KCNK10: variants seen among roughly 807,000 people sequenced by gnomAD.
The protein encoded by KCNK10 is potassium channel subfamily K member 10.
A neutral mutation model predicts 47.7 loss-of-function variants in KCNK10; 25 were observed. The ratio of observed to expected loss-of-function variants is 0.52; its 90% confidence interval spans 0.38 to 0.73. KCNK10 has a LOEUF of 0.73. Among genes scored for constraint, KCNK10 ranks in the 30% least tolerant of loss-of-function variants. KCNK10 has a pLI of 0.00. For missense variants in KCNK10, 563 were observed against 714.5 expected (o/e 0.79, Z 2.42); for synonymous variants, 303 against 285.6 (o/e 1.06, Z -0.61).
In KCNK10 at chr14:88,188,101, C is replaced by G. The variant is rs745846560; in HGVS notation, c.877G>C (p.Ala293Pro). The stretch of plus-strand genomic sequence containing the variant: ...TACCACTCCCGATAATTGATGCCAG[C>G]GTTTCCCCCTGAAAACAACCAAATG... ...GFGDFVAGGN[A>P]GINYREWYKP... The change falls in exon 6 of 7, where the codon GCT becomes CCT. Residue 293 changes from alanine (A) to proline (P), a missense_variant. Coordinates refer to ENST00000319231, the MANE Select transcript of KCNK10 (RefSeq NM_138317.3). The G allele has an allele frequency of 1.9e-6, 3 of 1,614,176 alleles. No homozygotes were observed. The South Asian group carries it at 3.3e-5, about 18-fold the overall frequency.
intron 3 of KCNK10, chr14:88,235,104 G>A: frequency 2.2e-6 from 1 of 456,492 alleles, no homozygotes; most frequent in East Asian, 7.0e-5. Flanking sequence ...AGAAAACAGG[G>A]AGGTAGGACA....
intron 2 of KCNK10, among the ~76,000 whole-genome samples, chr14:88,255,726 G>A (rs1293094123): frequency 1.3e-5 from 2 of 151,852 alleles, no homozygotes; most frequent in Non-Finnish European, 2.9e-5. Context: ...GAGGGGATTG[G>A]ACCAACCTAC....
At chr14:88,308,626 A>G (rs1888249324) in intron 1 of KCNK10, among the ~76,000 whole-genome samples, 1 of 152,252 alleles carries the variant, frequency 6.6e-6, no homozygotes. Flanking sequence ...CGTGTACTCA[A>G]GTACCTCACA....
chr14:88,248,622 G>A (rs751916325), intron 2 of KCNK10, among the ~76,000 whole-genome samples: 42 of 152,148 alleles, frequency 2.8e-4, no homozygotes, highest in Non-Finnish European at 5.1e-4. Flanking sequence ...CTAGCCACTC[G>A]GGAGGTTCAG....
chr14:88,193,249 G>A (rs888354030), intron 4 of KCNK10, among the ~76,000 whole-genome samples: 4 of 152,118 alleles, frequency 2.6e-5, no homozygotes, highest in African/African-American at 9.7e-5. Context: ...CTCATCTCAT[G>A]CCAGCTCCTG....
At chr14:88,275,854 G>A (rs549393355) in intron 1 of KCNK10, among the ~76,000 whole-genome samples, 37 of 151,340 alleles carry the variant, frequency 2.4e-4, no homozygotes, top group East Asian at 2.2e-3. Flanking sequence ...GCGACAGAGG[G>A]AGACTCCATC....
chr14:88,257,723 G>C (rs1009534569), intron 2 of KCNK10, among the ~76,000 whole-genome samples: 1 of 152,138 alleles, frequency 6.6e-6, no homozygotes, highest in African/African-American at 2.4e-5. Flanking sequence ...ACAGCTGTGG[G>C]GACTGAAGGA....
chr14:88,229,679 T>C (rs1403813789), intron 3 of KCNK10, among the ~76,000 whole-genome samples: 1 of 152,242 alleles, frequency 6.6e-6, no homozygotes, highest in Non-Finnish European at 1.5e-5. Context: ...TCTTGAGTGA[T>C]GCTGTATCTC....
At chr14:88,315,974 A>G (rs1055450114) in intron 1 of KCNK10, among the ~76,000 whole-genome samples, 3 of 152,078 alleles carry the variant, frequency 2.0e-5, no homozygotes, top group African/African-American at 4.8e-5. Flanking sequence ...AGTAAATCCT[A>G]TGTTTTCCTT....
chr14:88,253,939 A>G (rs1267217466), intron 2 of KCNK10, among the ~76,000 whole-genome samples: 1 of 152,060 alleles, frequency 6.6e-6, no homozygotes, highest in Non-Finnish European at 1.5e-5. Context: ...TAAAGTGAAA[A>G]CCAATGGTAA....
At chr14:88,236,516 A>G (rs1455977920) in intron 3 of KCNK10, among the ~76,000 whole-genome samples, 1 of 152,202 alleles carries the variant, frequency 6.6e-6, no homozygotes, top group African/African-American at 2.4e-5. Context: ...CAGCAAAAGG[A>G]CTAGAGATGA....
At chr14:88,284,848 A>T (rs1432317153) in intron 1 of KCNK10, among the ~76,000 whole-genome samples, 3 of 152,228 alleles carry the variant, frequency 2.0e-5, no homozygotes, top group Non-Finnish European at 4.4e-5. Context: ...AATATTAACC[A>T]TCAAAATGAG....
chr14:88,263,012 TC>T (rs964556833), intron 2 of KCNK10, among the ~76,000 whole-genome samples, 189 bp downstream of exon 2: 7 of 151,736 alleles, frequency 4.6e-5, no homozygotes, highest in African/African-American at 1.7e-4. Context: ...GGACCCTCCT[TC>T]CCCCACACTG....
At chr14:88,208,261 A>G (rs970389741) in intron 4 of KCNK10, among the ~76,000 whole-genome samples, 1 of 152,172 alleles carries the variant, frequency 6.6e-6, no homozygotes, top group Non-Finnish European at 1.5e-5. Flanking sequence ...AGGAGAAGAG[A>G]AGCAAATGTG....
At chr14:88,187,085 G>A (rs1005842174) in intron 6 of KCNK10, among the ~76,000 whole-genome samples, 3 of 152,164 alleles carry the variant, frequency 2.0e-5, no homozygotes, top group African/African-American at 7.2e-5. Flanking sequence ...AGCTGTCTGG[G>A]GAACCGGTCT....
chr14:88,183,309 C>T lies in KCNK10; in HGVS notation c.*2226G>A, dbSNP rs925546758. ...TCCTGTGCCTGGCCCACAGAAGGCA[C>T]TGGATAAATGAGAGGGAAGCCTCTG... On this transcript the variant is annotated 3_prime_UTR_variant, in exon 7 of 7. Transcript: ENST00000319231. 6.6e-6 allele frequency: 1 copy of T among 152,346 alleles called. No individual in the cohort carries two copies. The highest frequency in any genetic ancestry group is 1.5e-5 in the Non-Finnish European group (1 of 68,050). 9.4% of individuals were successfully genotyped at this position (152,346 alleles called of 1,614,324 possible).
chr14:88,255,347 G>A (rs796739464), intron 2 of KCNK10, among the ~76,000 whole-genome samples: 48 of 152,230 alleles, frequency 3.2e-4, no homozygotes, highest in African/African-American at 1.1e-3. Flanking sequence ...ACTTGGACAA[G>A]TTATTTAACT....
intron 1 of KCNK10, among the ~76,000 whole-genome samples, chr14:88,295,632 C>A (rs563296514): frequency 6.6e-6 from 1 of 152,190 alleles, no homozygotes; most frequent in Admixed American, 6.5e-5. Context: ...TGTACTCCAG[C>A]ATGAGTGACA....
chr14:88,312,555 C>T (rs146900363), intron 1 of KCNK10, among the ~76,000 whole-genome samples: 1 of 152,180 alleles, frequency 6.6e-6, no homozygotes. Flanking sequence ...TGGAGGCCAT[C>T]CTGTTTTTTC....
Sources: allele counts gnomAD v4.1 joint callset (sites outside exome capture counted in the v4.1 genomes callset), GRCh38; gene constraint gnomAD v4.1.1; transcripts MANE v1.5; gene names NCBI Gene and HGNC (gene_info 2026-07-23, HGNC 2026-07-21).